Variants in PPP2R3C observed in about 807,000 individuals in gnomAD.
PPP2R3C encodes the protein serine/threonine-protein phosphatase 2A regulatory subunit B'' subunit gamma.
PPP2R3C carries 47 observed loss-of-function variants against 63.7 expected under a neutral mutation model. That is an observed-to-expected ratio of 0.74 (90% CI 0.58 to 0.94). PPP2R3C has a LOEUF of 0.94. Ranked by LOEUF, PPP2R3C falls within the 40% of genes least tolerant of loss-of-function variation. PPP2R3C has a pLI of 0.00. For missense variants in PPP2R3C, 421 were observed against 518.4 expected, an observed-to-expected ratio of 0.81 and a Z score of 1.82; for synonymous variants, 180 against 177.4, an observed-to-expected ratio of 1.01 and a Z score of -0.12.
At chr14:35,121,129 A>T (rs1268529052) in intron 1 of PPP2R3C, among the ~76,000 whole-genome samples, 1 of 152,168 alleles carries the variant, frequency 6.6e-6, no homozygotes, top group African/African-American at 2.4e-5. Flanking sequence ...CTGTAATTCC[A>T]GCACTTTGGG....
At position 35,091,078 on chromosome 14, in the gene PPP2R3C, A is replaced by T; in HGVS notation, c.1105T>A (p.Phe369Ile). 1 of 1,602,246 alleles carries T rather than the reference A, an allele frequency of 6.2e-7. No homozygotes were observed. The highest frequency in any genetic ancestry group is 8.5e-7 in the Non-Finnish European group (1 of 1,172,512). The change falls in exon 11 of 13, where the codon TTC becomes ATC. Residue 369 changes from phenylalanine to isoleucine, a missense_variant. By Grantham distance (21) the Phe-to-Ile change is conservative. Transcript: ENST00000261475. ...GYLNVFSLNYFFRAIQELMKI... is the reference protein window; with the variant it reads ...GYLNVFSLNYIFRAIQELMKI... Reference sequence around the variant, plus strand: ...ATGCAAATGAGACTTACCCTAAAGAAATAATTAAGTGAAAAGACATTCAGG... The same window carrying T: ...ATGCAAATGAGACTTACCCTAAAGATATAATTAAGTGAAAAGACATTCAGG...
intron 6 of PPP2R3C, among the ~76,000 whole-genome samples, chr14:35,103,215 T>C (rs1343005845): frequency 3.3e-5 from 5 of 152,226 alleles, no homozygotes; most frequent in African/African-American, 9.6e-5. Flanking sequence ...AGGCCCTACA[T>C]GTGGCCCCTG....
intron 7 of PPP2R3C, chr14:35,098,916 CA>C (rs1417875303): frequency 1.7e-5 from 3 of 176,412 alleles, no homozygotes; most frequent in Non-Finnish European, 3.5e-5. Context: ...ACAGCAGAGA[CA>C]GCAAATTATA....
intron 10 of PPP2R3C, among the ~76,000 whole-genome samples, chr14:35,092,962 G>A (rs552091319): frequency 7.2e-5 from 11 of 152,156 alleles, no homozygotes; most frequent in African/African-American, 2.2e-4. Flanking sequence ...AACAGGATAC[G>A]CACTTCGGGG....
intron 2 of PPP2R3C, among the ~76,000 whole-genome samples, chr14:35,113,369 G>T (rs569801682): frequency 1.3e-5 from 2 of 152,256 alleles, no homozygotes; most frequent in South Asian, 2.1e-4. Context: ...GACCATCTAA[G>T]ATCTAGAGGT....
intron 7 of PPP2R3C, among the ~76,000 whole-genome samples, chr14:35,098,401 G>A (rs1269869667): frequency 7.2e-6 from 1 of 138,684 alleles, no homozygotes; most frequent in Non-Finnish European, 1.5e-5. Context: ...TGCCCAGGCT[G>A]GAATGCAATA....
chr14:35,102,455 G>A (rs1018312096), intron 6 of PPP2R3C: 2 of 152,014 alleles, frequency 1.3e-5, no homozygotes, highest in African/African-American at 4.8e-5. Flanking sequence ...ATCCAAAATG[G>A]GGCTCTCTTG....
upstream of PPP2R3C, chr14:35,122,027 C>G (rs1388884525): frequency 3.2e-6 from 5 of 1,562,246 alleles, no homozygotes; most frequent in Non-Finnish European, 4.4e-6. Flanking sequence ...CCAGCTCAGG[C>G]GTCAGCACCG....
intron 1 of PPP2R3C, among the ~76,000 whole-genome samples, chr14:35,120,118 C>T (rs941849977): frequency 6.9e-6 from 1 of 145,580 alleles, no homozygotes; most frequent in East Asian, 2.1e-4. Flanking sequence ...GGATTACAGG[C>T]TTGAGCCACC....
intron 6 of PPP2R3C, chr14:35,101,682 G>C (rs528580600): frequency 1.2e-4 from 18 of 152,244 alleles, no homozygotes; most frequent in African/African-American, 4.1e-4. Flanking sequence ...AGATTTATCT[G>C]GCATTTCTCT....
At chr14:35,098,249 T>G (rs1232514248) in intron 7 of PPP2R3C, among the ~76,000 whole-genome samples, 2 of 150,614 alleles carry the variant, frequency 1.3e-5, no homozygotes. Context: ...GGCCCGATCT[T>G]GGCTCACTGC....
At chr14:35,108,084 C>T (rs1566420436) in intron 5 of PPP2R3C, 55 bp downstream of exon 5, 1 of 1,584,018 alleles carries the variant, frequency 6.3e-7, no homozygotes, top group South Asian at 1.2e-5. Context: ...AAGCACAGAC[C>T]AAAAACCTAC....
chr14:35,096,381 A>G (rs189545680), intron 9 of PPP2R3C, among the ~76,000 whole-genome samples, 177 bp downstream of exon 9: 24 of 152,298 alleles, frequency 1.6e-4, no homozygotes, highest in African/African-American at 5.8e-4. Flanking sequence ...GGGGAGTCCA[A>G]AAAGTTAAAA....
intron 2 of PPP2R3C, among the ~76,000 whole-genome samples, chr14:35,114,128 G>C (rs1199079764): frequency 6.6e-6 from 1 of 152,096 alleles, no homozygotes; most frequent in African/African-American, 2.4e-5. Context: ...TCTGTTTAAG[G>C]AGAGTGTGAA....
At chr14:35,097,297 G>A (rs917108996) in intron 7 of PPP2R3C, among the ~76,000 whole-genome samples, 10 of 151,850 alleles carry the variant, frequency 6.6e-5, no homozygotes, top group African/African-American at 2.4e-4. Flanking sequence ...ATAAATCTAA[G>A]TGGTAAATTC....
chr14:35,090,041 TA>T (rs1012738692), intron 11 of PPP2R3C, among the ~76,000 whole-genome samples: 1 of 152,170 alleles, frequency 6.6e-6, no homozygotes, highest in African/African-American at 2.4e-5. Flanking sequence ...CTTTCCTACT[TA>T]AAAAAATTGA....
At chr14:35,087,868 G>T in intron 12 of PPP2R3C, 83 bp downstream of exon 12, 2 of 1,069,080 alleles carry the variant, frequency 1.9e-6, no homozygotes, top group African/African-American at 1.6e-5. Flanking sequence ...TACTTCATTA[G>T]TTGCTTTCAT....
intron 12 of PPP2R3C, chr14:35,087,727 A>C: frequency 2.0e-6 from 1 of 493,952 alleles, no homozygotes. Context: ...AAAATGAATG[A>C]ATGCTTCCAA....
At chr14:35,093,814 G>A (rs1595083654) in intron 10 of PPP2R3C, among the ~76,000 whole-genome samples, 1 of 152,168 alleles carries the variant, frequency 6.6e-6, no homozygotes, top group East Asian at 1.9e-4. Context: ...ACCGCACCCA[G>A]CTAATTTTTT....
Sources: allele counts gnomAD v4.1 joint callset (sites outside exome capture counted in the v4.1 genomes callset), GRCh38; gene constraint gnomAD v4.1.1; transcripts MANE v1.5; gene names NCBI Gene and HGNC (gene_info 2026-07-23, HGNC 2026-07-21).